Variants in MCF2 observed in about 807,000 individuals in gnomAD.
MCF2 encodes the protein MCF.2 cell line derived transforming sequence, also known as proto-oncogene DBL.
In MCF2, 44 loss-of-function variants were observed where a neutral mutation model predicts 82.5. That is an observed-to-expected ratio of 0.53 (90% CI 0.42 to 0.69). The LOEUF (loss-of-function observed/expected upper bound fraction) is 0.69. MCF2 is among the 30% of genes least tolerant of loss of function. The pLI, the probability that MCF2 is intolerant of heterozygous loss-of-function variation, is 0.00. For missense variants in MCF2, 623 were observed against 663.1 expected (o/e 0.94, Z 0.66); for synonymous variants, 217 against 224.9 (o/e 0.96, Z 0.32).
intron 16 of MCF2, among the ~76,000 whole-genome samples, chrX:139,601,553 C>G (rs1477745832): frequency 9.0e-6 from 1 of 111,534 alleles, no homozygotes; most frequent in Non-Finnish European, 1.9e-5. Context: ...CACATACACT[C>G]TCAAAAACTT....
In MCF2 at chrX:139,619,717, G is replaced by A. The variant is rs748893284; in HGVS notation, c.688-11C>T. ...AACTTCAGTCACAAGCTAAAAATAC[G>A]AAACAAAGAGGTTTTAAAAACATAA... On this transcript the variant is annotated splice_polypyrimidine_tract_variant and intron_variant, in intron 6 of 24. Coordinates refer to ENST00000370576, the Ensembl canonical transcript of MCF2. 12 of 1,109,819 alleles carry A rather than the reference G, an allele frequency of 1.1e-5. No homozygotes were observed. Among genetic ancestry groups the A allele is most frequent in the East Asian group, 6.5e-5 (2 of 30,910 alleles). 91.5% of individuals were successfully genotyped at this position (1,109,819 alleles called of 1,213,427 possible).
At chrX:139,664,493 T>C (rs1934453073) in intron 1 of MCF2, among the ~76,000 whole-genome samples, 2 of 111,703 alleles carry the variant, frequency 1.8e-5, no homozygotes, top group African/African-American at 6.5e-5. Context: ...TGTCCTTCCA[T>C]TCACTTAAGG....
rs1352413768 is a variant in MCF2, at chrX:139,607,424, T to A, written c.1490+267A>T. 6 of 177,135 alleles carry A rather than the reference T, an allele frequency of 3.4e-5. No individual in the cohort carries two copies. In the East Asian group the frequency reaches 6.0e-4, roughly 18 times the overall value. The allele number at this position is 177,135 out of a possible 1,213,427, so 14.6% of individuals were successfully genotyped here. A position where few individuals can be genotyped will look rare whatever the true frequency, so the allele number is the denominator to read the frequency against. On this transcript the variant is annotated intron_variant, in intron 12 of 24. Transcript: ENST00000370576. ...GTCAATGAAAAATAATAATAAAACT[T>A]TTTTTAAGAATGATAAACGAAAACC... is the stretch of plus-strand genomic sequence containing the variant.
chrX:139,602,443 G>A, exon 16 of MCF2: 1 of 1,205,072 alleles, frequency 8.3e-7, no homozygotes, highest in Non-Finnish European at 1.1e-6. Context: ...CCTCCAAATT[G>A]TTTCTGATCT....
At chrX:139,659,958 T>C (rs1316168164) in intron 1 of MCF2, among the ~76,000 whole-genome samples, 3 of 111,604 alleles carry the variant, frequency 2.7e-5, no homozygotes, top group African/African-American at 9.8e-5. Flanking sequence ...TCCTCCAGGG[T>C]TGATATTAAA....
At chrX:139,595,225 G>C (rs1410983513) in intron 19 of MCF2, among the ~76,000 whole-genome samples, 1 of 108,649 alleles carries the variant, frequency 9.2e-6, no homozygotes, top group African/African-American at 3.4e-5. Flanking sequence ...TCCCATTACT[G>C]GGTATATACC....
chrX:139,590,539 C>G (rs1219588114), intron 19 of MCF2, among the ~76,000 whole-genome samples: 8 of 69,584 alleles, frequency 1.1e-4, no homozygotes, highest in East Asian at 3.1e-4. Flanking sequence ...AACTTCTGTA[C>G]ACAATATCTC....
At chrX:139,673,739 T>A (rs766932236) in intron 1 of MCF2, among the ~76,000 whole-genome samples, 20 of 112,038 alleles carry the variant, frequency 1.8e-4, no homozygotes, top group Non-Finnish European at 2.3e-4. Context: ...CTTCCAACTA[T>A]GTGGTCAATT....
At chrX:139,598,618 T>C in intron 16 of MCF2, 120 bp from the exon 21 acceptor site, 2 of 396,395 alleles carry the variant, frequency 5.0e-6, no homozygotes, top group Non-Finnish European at 8.4e-6. Flanking sequence ...GAATATTTAT[T>C]GGAAAAATCA....
chrX:139,602,261 G>GTT (rs983127509), intron 16 of MCF2, 145 bp downstream of exon 20: 4 of 481,787 alleles, frequency 8.3e-6, no homozygotes, highest in African/African-American at 2.5e-5. Flanking sequence ...GTTTGTGTGT[G>GTT]TTGGGGGGGA....
chrX:139,654,006 G>A (rs935853738), intron 1 of MCF2, among the ~76,000 whole-genome samples: 1 of 111,381 alleles, frequency 9.0e-6, no homozygotes, highest in Non-Finnish European at 1.9e-5. Context: ...AACATTCCAT[G>A]GTGTATATAT....
intron 1 of MCF2, among the ~76,000 whole-genome samples, chrX:139,688,432 T>C (rs1935181148): frequency 9.0e-6 from 1 of 111,701 alleles, no homozygotes; most frequent in African/African-American, 3.3e-5. Flanking sequence ...CGTGGAACAC[T>C]CACAGTATCG....
At chrX:139,679,168 G>A (rs1934943602) in intron 1 of MCF2, among the ~76,000 whole-genome samples, 1 of 112,384 alleles carries the variant, frequency 8.9e-6, no homozygotes, top group African/African-American at 3.2e-5. Context: ...TGCATTCAAT[G>A]TCATTTTACC....
At chrX:139,598,645 A>G (rs1292578719) in intron 16 of MCF2, 147 bp from the exon 21 acceptor site, 1 of 358,368 alleles carries the variant, frequency 2.8e-6, no homozygotes, top group Non-Finnish European at 4.7e-6. Context: ...TAGTACAGAA[A>G]TTATAAGACA....
chrX:139,632,416 T>C (rs1190247250), exon 2 of MCF2: 1 of 1,205,510 alleles, frequency 8.3e-7, no homozygotes, highest in Non-Finnish European at 1.1e-6. Flanking sequence ...TGGTAGGACG[T>C]AAAACCAAAA....
intron 2 of MCF2, among the ~76,000 whole-genome samples, chrX:139,651,065 T>C: frequency 9.1e-6 from 1 of 110,301 alleles, no homozygotes; most frequent in Non-Finnish European, 1.9e-5. Context: ...GTTTAATGGA[T>C]ATAGAGTTTC....
intron 1 of MCF2, among the ~76,000 whole-genome samples, chrX:139,703,498 A>G (rs1935536587): frequency 8.9e-6 from 1 of 112,092 alleles, no homozygotes; most frequent in Non-Finnish European, 1.9e-5. Context: ...GCAATTTGGC[A>G]GGCCGAGGAG....
intron 6 of MCF2, among the ~76,000 whole-genome samples, chrX:139,621,221 G>T (rs1344228041): frequency 2.7e-5 from 3 of 111,634 alleles, no homozygotes; most frequent in African/African-American, 9.8e-5. Context: ...AGATCTAAAT[G>T]CAAGACCTCA....
intron 1 of MCF2, among the ~76,000 whole-genome samples, chrX:139,670,285 AT>A (rs1017612411): frequency 5.4e-5 from 6 of 111,672 alleles, no homozygotes; most frequent in Admixed American, 9.5e-5. Context: ...AATATGTTAT[AT>A]TTGGGGATTA....
Sources: allele counts gnomAD v4.1 joint callset (sites outside exome capture counted in the v4.1 genomes callset), GRCh38; gene constraint gnomAD v4.1.1; transcripts MANE v1.5; gene names NCBI Gene and HGNC (gene_info 2026-07-23, HGNC 2026-07-21).